The following CNTNAP2 variants were observed in gnomAD, a reference collection of about 807,000 sequenced individuals.
CNTNAP2 encodes contactin associated protein 2.
A neutral mutation model predicts 155.2 loss-of-function variants in CNTNAP2; 98 were observed. The ratio of observed to expected loss-of-function variants is 0.63; its 90% CI spans 0.54 to 0.75. CNTNAP2 has a LOEUF of 0.75. CNTNAP2 is among the 30% of genes least tolerant of loss of function. The pLI is 0.00. For missense variants in CNTNAP2, 1,727 were observed against 1,688.1 expected, an observed-to-expected ratio of 1.02 and a Z score of -0.40; for synonymous variants, 651 against 631.2, an observed-to-expected ratio of 1.03 and a Z score of -0.47.
intron 8 of CNTNAP2, among the ~76,000 whole-genome samples, chr7:147,246,252 C>T (rs1318307485): frequency 1.3e-5 from 2 of 152,002 alleles, no homozygotes; most frequent in African/African-American, 4.8e-5. Context: ...AATCTGAAGG[C>T]TTGTCTGCTC....
intron 20 of CNTNAP2, among the ~76,000 whole-genome samples, chr7:148,254,963 C>T (rs908894747): frequency 6.6e-6 from 1 of 151,890 alleles, no homozygotes; most frequent in African/African-American, 2.4e-5. Flanking sequence ...TGTTTTTCCT[C>T]GAGCTCTTCA....
intron 4 of CNTNAP2, among the ~76,000 whole-genome samples, chr7:147,058,796 G>A (rs1420592148): frequency 6.6e-6 from 1 of 152,056 alleles, no homozygotes; most frequent in East Asian, 1.9e-4. Context: ...TAGTAGAGAC[G>A]GGGTTTCACC....
At chr7:147,414,868 G>T (rs558047006) in intron 10 of CNTNAP2, among the ~76,000 whole-genome samples, 20 of 150,916 alleles carry the variant, frequency 1.3e-4, no homozygotes, top group South Asian at 6.3e-4. Context: ...GTGAACCTTG[G>T]GGGGTGGAGC....
At chr7:146,161,693 C>T (rs1215784080) in intron 1 of CNTNAP2, among the ~76,000 whole-genome samples, 3 of 152,112 alleles carry the variant, frequency 2.0e-5, no homozygotes, top group Admixed American at 6.6e-5. Context: ...AAAAAGAGCC[C>T]GCATTGCCAA....
intron 11 of CNTNAP2, among the ~76,000 whole-genome samples, chr7:147,517,805 G>C (rs1048746571): frequency 3.2e-5 from 3 of 92,350 alleles, no homozygotes; most frequent in African/African-American, 8.4e-5. Context: ...ACAATGAATG[G>C]AATTAACAGT....
At chr7:147,194,620 A>C (rs1057362128) in intron 8 of CNTNAP2, among the ~76,000 whole-genome samples, 5 of 152,074 alleles carry the variant, frequency 3.3e-5, no homozygotes, top group Non-Finnish European at 4.4e-5. Flanking sequence ...CGCCCTTCTC[A>C]CTGGAATGAG....
intron 13 of CNTNAP2, among the ~76,000 whole-genome samples, chr7:147,707,307 A>C (rs1005799148): frequency 6.6e-6 from 1 of 152,168 alleles, no homozygotes; most frequent in African/African-American, 2.4e-5. Flanking sequence ...TCTGTGGTTT[A>C]GGTTGGGTAG....
intron 1 of CNTNAP2, among the ~76,000 whole-genome samples, chr7:146,605,067 A>G (rs1799021796): frequency 7.1e-6 from 1 of 141,676 alleles, no homozygotes; most frequent in Non-Finnish European, 1.5e-5. Context: ...TAAAACTTAA[A>G]GTATAATAAA....
At chr7:146,619,629 T>C (rs1308653364) in intron 1 of CNTNAP2, among the ~76,000 whole-genome samples, 1 of 152,200 alleles carries the variant, frequency 6.6e-6, no homozygotes, top group Non-Finnish European at 1.5e-5. Context: ...TAATAAATTA[T>C]AAATCCAGGT....
At chr7:146,380,542 T>A (rs973854932) in intron 1 of CNTNAP2, among the ~76,000 whole-genome samples, 18 of 152,132 alleles carry the variant, frequency 1.2e-4, no homozygotes, top group African/African-American at 4.3e-4. Flanking sequence ...TTGGCCATCA[T>A]AGTAACTGAT....
At chr7:146,193,199 G>T (rs1385494955) in intron 1 of CNTNAP2, among the ~76,000 whole-genome samples, 1 of 152,208 alleles carries the variant, frequency 6.6e-6, no homozygotes, top group Non-Finnish European at 1.5e-5. Flanking sequence ...GCTGTAAGCT[G>T]TCAGTGGTTC....
chr7:147,938,645 C>G (rs565324582), intron 14 of CNTNAP2, among the ~76,000 whole-genome samples: 1 of 151,890 alleles, frequency 6.6e-6, no homozygotes, highest in East Asian at 1.9e-4. Context: ...AGGCAAACCA[C>G]GTAAATTAAG....
chr7:148,376,546 G>T (rs186654977), intron 21 of CNTNAP2, among the ~76,000 whole-genome samples: 723 of 67,052 alleles, frequency 0.011, 238 homozygotes, highest in African/African-American at 0.025. Context: ...TCAAAATGTG[G>T]TAGAGACACT....
At chr7:148,349,308 C>G (rs1413246846) in intron 21 of CNTNAP2, among the ~76,000 whole-genome samples, 1 of 151,956 alleles carries the variant, frequency 6.6e-6, no homozygotes, top group Non-Finnish European at 1.5e-5. Flanking sequence ...TTTCGGCTTT[C>G]CTGGGCCACA....
In CNTNAP2 at chr7:146,981,576, G is replaced by A. The variant is rs142597948; in HGVS notation, c.403-62331G>A. On this transcript the variant is annotated intron_variant, in intron 3 of 23. Coordinates refer to ENST00000361727, the MANE Select transcript of CNTNAP2 (RefSeq NM_014141.6). Reference sequence around the variant, plus strand: ...CTAAAATCCTGTATTCCTAATTTACGTTGATTTCCATTTTTTTAATCTCAA... The same window carrying A: ...CTAAAATCCTGTATTCCTAATTTACATTGATTTCCATTTTTTTAATCTCAA... Among the ~76,000 whole-genome samples the A allele has an allele frequency of 2.4e-3, 362 of 152,078 alleles. 1 individual carries two copies. The highest frequency in any genetic ancestry group is 7.4e-3 in the African/African-American group (305 of 41,486).
intron 13 of CNTNAP2, among the ~76,000 whole-genome samples, chr7:147,842,534 AT>A (rs1231297625): frequency 1.5e-5 from 2 of 137,798 alleles, no homozygotes; most frequent in African/African-American, 2.7e-5. Flanking sequence ...TTATATTTAG[AT>A]TTAAATATTT....
chr7:148,242,974 C>A (rs1415988904), intron 20 of CNTNAP2, among the ~76,000 whole-genome samples: 3 of 152,076 alleles, frequency 2.0e-5, no homozygotes, highest in Non-Finnish European at 4.4e-5. Flanking sequence ...AGGAGAGGGG[C>A]AACAAACCCC....
chr7:146,563,481 T>C (rs762638391), intron 1 of CNTNAP2, among the ~76,000 whole-genome samples: 1 of 152,128 alleles, frequency 6.6e-6, no homozygotes, highest in Non-Finnish European at 1.5e-5. Flanking sequence ...TTTCTCAGTA[T>C]CCTCCAGAGA....
chr7:146,249,140 C>T (rs1012088992), intron 1 of CNTNAP2, among the ~76,000 whole-genome samples: 3 of 152,040 alleles, frequency 2.0e-5, no homozygotes, highest in African/African-American at 7.2e-5. Context: ...GGAATGTCAT[C>T]AGTTAAGGCA....
Sources: allele counts gnomAD v4.1 joint callset (sites outside exome capture counted in the v4.1 genomes callset), GRCh38; gene constraint gnomAD v4.1.1; transcripts MANE v1.5; gene names NCBI Gene and HGNC (gene_info 2026-07-23, HGNC 2026-07-21).